The following LYN variants were observed in gnomAD, a reference collection of about 807,000 sequenced individuals.
LYN encodes the protein tyrosine-protein kinase Lyn.
A neutral mutation model predicts 65.0 loss-of-function variants in LYN; 12 were observed. That is an observed-to-expected ratio of 0.18 (90% confidence interval 0.12 to 0.30). LYN has a LOEUF of 0.30. Ranked by LOEUF, LYN falls within the 10% of genes least tolerant of loss-of-function variation. The probability of loss-of-function intolerance (pLI) is 1.00; values close to 1 mark genes in which losing one functional copy is unlikely to be tolerated. For missense variants in LYN, 380 were observed against 623.2 expected (o/e 0.61, Z 4.16); for synonymous variants, 222 against 221.2 (o/e 1.00, Z -0.03).
intron 10 of LYN, among the ~76,000 whole-genome samples, chr8:55,982,936 ACCG>A (rs1807969486): frequency 6.6e-6 from 1 of 150,974 alleles, no homozygotes; most frequent in Non-Finnish European, 1.5e-5. Flanking sequence ...GCCTGTCCCT[ACCG>A]CCCCTCCGCT....
Position 56,014,065 on chromosome 8 carries a change from A to C in LYN, c.*3955A>C, listed in dbSNP as rs752479427. 6.6e-6 allele frequency: 1 copy of C among 152,242 alleles called. No homozygotes were observed. Among genetic ancestry groups the C allele is most frequent in the East Asian group, 1.9e-4 (1 of 5,204 alleles). The allele number at this position is 152,242 out of a possible 1,614,324, so 9.4% of individuals were successfully genotyped here. A position where few individuals can be genotyped will look rare whatever the true frequency, so the allele number is the denominator to read the frequency against. Reference sequence around the variant, plus strand: ...GACCCTGGAAGATCTGGACAATGCTATCACTATTTCACAGCTGAGAGATCG... The same window carrying C: ...GACCCTGGAAGATCTGGACAATGCTCTCACTATTTCACAGCTGAGAGATCG... On this transcript the variant is annotated 3_prime_UTR_variant, in exon 13 of 13. Coordinates refer to ENST00000519728, the MANE Select transcript of LYN (RefSeq NM_002350.4).
At position 56,003,933 on chromosome 8, in the gene LYN, T is replaced by G. The variant is rs112812049; in HGVS notation, c.1336+4384T>G. ...TTGTTATTAAATATTTTATTCTTTTTTTTTTTTTTTTTTTTTGAGATGGAG... is the reference window on the plus strand; with the variant it reads ...TTGTTATTAAATATTTTATTCTTTTGTTTTTTTTTTTTTTTTGAGATGGAG... On this transcript the variant is annotated intron_variant, in intron 12 of 12. Transcript: ENST00000519728. Among the ~76,000 whole-genome samples the G allele has an allele frequency of 1.4e-3, 185 of 135,582 alleles. 1 individual carries two copies. The highest frequency in any genetic ancestry group is 5.3e-3 in the African/African-American group (173 of 32,634). The allele number at this position is 135,582 out of a possible 152,430, so 88.9% of individuals were successfully genotyped here.
At chr8:55,907,129 C>G (rs1805449735) in intron 1 of LYN, among the ~76,000 whole-genome samples, 1 of 149,996 alleles carries the variant, frequency 6.7e-6, no homozygotes, top group African/African-American at 2.5e-5. Context: ...AAAGACATGT[C>G]CAGTTCTATA....
Position 56,009,911 on chromosome 8 carries a change from G to T in LYN, c.1340G>T (p.Arg447Ile). The T allele has an allele frequency of 6.2e-7, 1 of 1,613,770 alleles. No individual in the cohort carries two copies. The highest frequency in any genetic ancestry group is 8.5e-7 in the Non-Finnish European group (1 of 1,179,778). Residue 447 changes from arginine to isoleucine, a missense_variant, in exon 13 of 13, where the codon AGA becomes ATA. Physicochemically the swap from Arg to Ile is moderately conservative, Grantham distance 97. Transcript: ENST00000519728. ...VTYGKIPYPG[R>I]TNADVMTALS... The stretch of plus-strand genomic sequence containing the variant: ...TTTTTGTTTTTTTCCACCCTAGGGA[G>T]AACTAATGCCGACGTGATGACCGCC...
intron 10 of LYN, among the ~76,000 whole-genome samples, chr8:55,972,535 G>T (rs1345795374): frequency 6.6e-6 from 1 of 152,022 alleles, no homozygotes; most frequent in Non-Finnish European, 1.5e-5. Flanking sequence ...CTGCTCCCTC[G>T]TCCGCCTGGG....
intron 1 of LYN, among the ~76,000 whole-genome samples, chr8:55,935,471 C>G (rs2130460000): frequency 6.6e-6 from 1 of 152,260 alleles, no homozygotes; most frequent in South Asian, 2.1e-4. Context: ...TCAGTTCTCT[C>G]TCTTTTAAAA....
chr8:55,923,525 A>G lies in LYN; in HGVS notation c.-5-18330A>G, dbSNP rs894451787. ...GAAAAAATACAGGAGAGTTTCAGTT[A>G]GTGAATATTTAGGTCAAACAACTTT... is the stretch of plus-strand genomic sequence containing the variant. On this transcript the variant is annotated intron_variant, in intron 1 of 12. Transcript: ENST00000519728. Among the ~76,000 whole-genome samples, 4 of 152,146 alleles carry G rather than the reference A, an allele frequency of 2.6e-5. No homozygotes were observed. The East Asian group carries it at 5.8e-4, about 22-fold the overall frequency.
chr8:55,949,185 T>C (rs1312166829), intron 4 of LYN, among the ~76,000 whole-genome samples: 1 of 152,252 alleles, frequency 6.6e-6, no homozygotes, highest in Non-Finnish European at 1.5e-5. Context: ...AACTAGATGT[T>C]TGAACAAAGG....
At chr8:55,978,766 C>T (rs371353629) in intron 10 of LYN, among the ~76,000 whole-genome samples, 84 of 152,276 alleles carry the variant, frequency 5.5e-4, no homozygotes, top group Admixed American at 1.0e-3. Flanking sequence ...GAAACTGCCA[C>T]GGGACTTTGC....
intron 1 of LYN, among the ~76,000 whole-genome samples, chr8:55,885,085 A>C (rs1422221553): frequency 6.6e-6 from 1 of 152,146 alleles, no homozygotes; most frequent in Non-Finnish European, 1.5e-5. Flanking sequence ...CATCTTACAA[A>C]GGCTTCTTCA....
intron 1 of LYN, among the ~76,000 whole-genome samples, chr8:55,921,026 C>T (rs538258626): frequency 6.6e-6 from 1 of 152,044 alleles, no homozygotes; most frequent in African/African-American, 2.4e-5. Context: ...AGATTTTCAG[C>T]CCACATTCTT....
In LYN at chr8:55,999,407, T is replaced by C; in HGVS notation, c.1205-11T>C. On this transcript the variant is annotated splice_polypyrimidine_tract_variant and intron_variant, in intron 11 of 12. Transcript: ENST00000519728. ...AATACCCAAGTAAGAACCACATATC[T>C]TCTTCCTTAGGTGCTAAGTTCCCTA... 1.2e-6 allele frequency: 2 copies of C among 1,612,884 alleles called. No individual in the cohort carries two copies. Among genetic ancestry groups the C allele is most frequent in the Middle Eastern group, 3.3e-4 (2 of 6,054 alleles).
At chr8:55,944,090 A>G (rs949058697) in intron 2 of LYN, among the ~76,000 whole-genome samples, 1 of 152,276 alleles carries the variant, frequency 6.6e-6, no homozygotes, top group Non-Finnish European at 1.5e-5. Flanking sequence ...GTCTCCAAAA[A>G]AAAAGGAAGT....
At chr8:55,932,413 T>TTTTA (rs113680819) in intron 1 of LYN, among the ~76,000 whole-genome samples, 17 of 151,010 alleles carry the variant, frequency 1.1e-4, no homozygotes, top group Non-Finnish European at 1.9e-4. Context: ...TATATATATT[T>TTTTA]TTTGTTTGTT....
chr8:55,976,800 G>T (rs530030775), intron 10 of LYN, among the ~76,000 whole-genome samples: 1 of 152,124 alleles, frequency 6.6e-6, no homozygotes, highest in Admixed American at 6.5e-5. Context: ...TAGGAACCTC[G>T]TGCATAAAGG....
intron 1 of LYN, among the ~76,000 whole-genome samples, chr8:55,915,781 G>GAGAGAGAGAGAAAGAGAAGGAA (rs1353753599): frequency 4.6e-5 from 7 of 151,624 alleles, no homozygotes; most frequent in South Asian, 2.1e-4. Flanking sequence ...TGCTGCCAAA[G>GAGAGAGAGAGAAAGAGAAGGAA]AGAGAGAGAG....
intron 1 of LYN, among the ~76,000 whole-genome samples, chr8:55,887,520 C>T (rs978404572): frequency 6.9e-6 from 1 of 145,896 alleles, no homozygotes; most frequent in Non-Finnish European, 1.5e-5. Context: ...ATAAATCCCA[C>T]ATATAAATAT....
intron 10 of LYN, among the ~76,000 whole-genome samples, chr8:55,978,690 G>A (rs901763864): frequency 6.6e-6 from 1 of 152,318 alleles, no homozygotes; most frequent in Admixed American, 6.5e-5. Flanking sequence ...AAGCACAGTG[G>A]CCTGTAAGGA....
chr8:55,942,328 T>G (rs1806636618), intron 2 of LYN, among the ~76,000 whole-genome samples: 1 of 135,464 alleles, frequency 7.4e-6, no homozygotes, highest in South Asian at 2.2e-4. Flanking sequence ...TGTATATATA[T>G]GTGTATATAT....
Sources: gnomAD v4.1 joint callset for allele counts (sites outside exome capture counted in the v4.1 genomes callset) on GRCh38, gnomAD v4.1.1 for gene constraint, MANE v1.5 for transcripts, NCBI Gene and HGNC (gene_info 2026-07-23, HGNC 2026-07-21) for gene names.